Variants in RIMS2 observed in about 807,000 individuals in gnomAD.
RIMS2 encodes the protein regulating synaptic membrane exocytosis 2.
Under a neutral mutation model 174.4 loss-of-function variants are expected in RIMS2, and 59 were observed. That is an observed-to-expected ratio of 0.34 (90% CI 0.27 to 0.42). RIMS2 has a LOEUF of 0.42. Among genes scored for constraint, RIMS2 ranks in the 10% least tolerant of loss-of-function variants. The pLI is 1.00. For missense variants in RIMS2, 1,620 were observed against 1,666.3 expected (o/e 0.97, Z 0.48); for synonymous variants, 606 against 572.5 (o/e 1.06, Z -0.84).
intron 4 of RIMS2, among the ~76,000 whole-genome samples, chr8:103,896,700 G>A (rs1017448695): frequency 6.6e-6 from 1 of 151,572 alleles, no homozygotes; most frequent in Non-Finnish European, 1.5e-5. Flanking sequence ...GGTGGTATGA[G>A]CTCATCTAGA....
intron 1 of RIMS2, among the ~76,000 whole-genome samples, chr8:103,555,564 C>G (rs1014551480): frequency 6.6e-6 from 1 of 152,008 alleles, no homozygotes; most frequent in African/African-American, 2.4e-5. Flanking sequence ...TATCTGTACT[C>G]CCATGTTCAT....
chr8:103,650,438 G>C (rs1360579705), intron 1 of RIMS2, among the ~76,000 whole-genome samples: 1 of 152,192 alleles, frequency 6.6e-6, no homozygotes, highest in African/African-American at 2.4e-5. Context: ...CAATCAGGTG[G>C]CCCTTTGGTA....
intron 19 of RIMS2, among the ~76,000 whole-genome samples, chr8:104,057,594 T>C (rs899272523): frequency 6.6e-6 from 1 of 151,744 alleles, no homozygotes; most frequent in Non-Finnish European, 1.5e-5. Context: ...ATACTTTAAG[T>C]TTTAGGGTAC....
At chr8:103,872,150 G>GTGAC (rs2099115374) in intron 3 of RIMS2, among the ~76,000 whole-genome samples, 1 of 152,188 alleles carries the variant, frequency 6.6e-6, no homozygotes, top group African/African-American at 2.4e-5. Context: ...AGCTACCAAT[G>GTGAC]TGACATCACT....
At chr8:103,693,903 G>T (rs2097063920) in intron 1 of RIMS2, among the ~76,000 whole-genome samples, 1 of 152,200 alleles carries the variant, frequency 6.6e-6, no homozygotes, top group Admixed American at 6.5e-5. Flanking sequence ...GTGTCAGGAG[G>T]GGCTGGCTAG....
chr8:103,602,014 A>G (rs1383270464), intron 1 of RIMS2, among the ~76,000 whole-genome samples: 1 of 151,802 alleles, frequency 6.6e-6, no homozygotes, highest in African/African-American at 2.4e-5. Flanking sequence ...TCTCACTCTT[A>G]TTGCCCAGGC....
intron 2 of RIMS2, among the ~76,000 whole-genome samples, chr8:103,747,423 G>C (rs886426927): frequency 3.3e-5 from 5 of 149,476 alleles, no homozygotes; most frequent in Non-Finnish European, 7.4e-5. Flanking sequence ...GTATTAAAAC[G>C]TTTTGACCAA....
intron 1 of RIMS2, among the ~76,000 whole-genome samples, chr8:103,592,882 C>G (rs2094325546): frequency 1.3e-5 from 2 of 151,086 alleles, no homozygotes; most frequent in African/African-American, 4.8e-5. Flanking sequence ...TTTAATATCC[C>G]GTGTGATGAA....
intron 19 of RIMS2, among the ~76,000 whole-genome samples, chr8:104,179,572 T>C (rs2098928075): frequency 6.6e-6 from 1 of 151,970 alleles, no homozygotes; most frequent in Non-Finnish European, 1.5e-5. Context: ...CTCTGAAATT[T>C]ACATAATATC....
intron 1 of RIMS2, among the ~76,000 whole-genome samples, chr8:103,685,068 T>G (rs1036348844): frequency 2.6e-5 from 4 of 151,884 alleles, no homozygotes; most frequent in African/African-American, 7.2e-5. Context: ...AGATACAAGT[T>G]GAGGTTTTTG....
chr8:104,209,099 C>A (rs1409037960), intron 19 of RIMS2, among the ~76,000 whole-genome samples: 1 of 152,142 alleles, frequency 6.6e-6, no homozygotes, highest in Non-Finnish European at 1.5e-5. Context: ...CTCATAGGAA[C>A]AACAAAGAAC....
chr8:103,765,719 T>C (rs1302603627), intron 2 of RIMS2, among the ~76,000 whole-genome samples: 2 of 152,134 alleles, frequency 1.3e-5, no homozygotes, highest in Admixed American at 6.5e-5. Flanking sequence ...GTATAACAAG[T>C]AATATTCTAG....
chr8:103,679,399 C>T (rs1003335108), intron 1 of RIMS2, among the ~76,000 whole-genome samples: 1 of 151,964 alleles, frequency 6.6e-6, no homozygotes, highest in Non-Finnish European at 1.5e-5. Context: ...AAGAAATTCA[C>T]AGTGGTATGA....
chr8:103,695,345 T>C (rs1190120172), intron 1 of RIMS2, among the ~76,000 whole-genome samples: 1 of 152,216 alleles, frequency 6.6e-6, no homozygotes, highest in African/African-American at 2.4e-5. Flanking sequence ...TCAGTCTCCA[T>C]TGATTTTTTT....
rs1325490656 is a variant in RIMS2, at chr8:103,886,265, A to T, written c.1624+42A>T. 4.6e-6 allele frequency: 7 copies of T among 1,522,634 alleles called. No individual in the cohort carries two copies. The South Asian group carries it at 9.0e-5, about 20-fold the overall frequency. 94.3% of individuals were successfully genotyped at this position (1,522,634 alleles called of 1,614,324 possible). On this transcript the variant is annotated intron_variant, in intron 4 of 23. Coordinates refer to ENST00000504942, the Ensembl canonical transcript of RIMS2. Reference sequence around the variant, plus strand: ...TACATTTTGCTGTAATTGATTAGATAAGCGTTTTTTTTAATAGATTGCATT... The same window carrying T: ...TACATTTTGCTGTAATTGATTAGATTAGCGTTTTTTTTAATAGATTGCATT...
At chr8:103,851,011 A>G (rs770579431) in intron 3 of RIMS2, among the ~76,000 whole-genome samples, 12 of 152,030 alleles carry the variant, frequency 7.9e-5, no homozygotes, top group Non-Finnish European at 1.6e-4. Context: ...GAGTTTTGGA[A>G]AAGTAACTTA....
At chr8:103,699,505 C>T (rs1259568927) in intron 2 of RIMS2, among the ~76,000 whole-genome samples, 1 of 152,210 alleles carries the variant, frequency 6.6e-6, no homozygotes, top group Non-Finnish European at 1.5e-5. Flanking sequence ...GCTGGGACTA[C>T]AGGTGTGAGC....
At chr8:103,749,636 T>C (rs890531358) in intron 2 of RIMS2, among the ~76,000 whole-genome samples, 7 of 152,140 alleles carry the variant, frequency 4.6e-5, no homozygotes, top group African/African-American at 1.4e-4. Context: ...TTTTCATGCT[T>C]ATTACTGGAA....
chr8:104,140,413 T>C (rs1485328012), intron 19 of RIMS2, among the ~76,000 whole-genome samples: 5 of 152,126 alleles, frequency 3.3e-5, no homozygotes, highest in African/African-American at 1.2e-4. Flanking sequence ...TGTATAAGCA[T>C]TTTCACTCAT....
Sources: gnomAD v4.1 joint callset for allele counts (sites outside exome capture counted in the v4.1 genomes callset) on GRCh38, gnomAD v4.1.1 for gene constraint, MANE v1.5 for transcripts, NCBI Gene and HGNC (gene_info 2026-07-23, HGNC 2026-07-21) for gene names.